The following TNR variants were observed in gnomAD, a reference collection of about 807,000 sequenced individuals.
TNR encodes the protein tenascin R.
TNR carries 45 observed loss-of-function variants against 150.4 expected under a neutral mutation model. The observed-to-expected ratio is 0.30, with a 90% CI of 0.24 to 0.38. The LOEUF is 0.38. TNR is among the 10% of genes least tolerant of loss of function. TNR has a pLI of 1.00. For synonymous variants in TNR, 687 were observed against 678.4 expected, an observed-to-expected ratio of 1.01 and a Z score of -0.20; for missense variants, 1,544 against 1,759.1, an observed-to-expected ratio of 0.88 and a Z score of 2.19.
intron 2 of TNR, among the ~76,000 whole-genome samples, chr1:175,485,512 G>C (rs1571506785): frequency 6.6e-6 from 1 of 152,214 alleles, no homozygotes; most frequent in Admixed American, 6.5e-5. Context: ...CCAATTTCAG[G>C]GTCCTCAAAT....
At chr1:175,350,176 C>T (rs1045358134) in intron 18 of TNR, among the ~76,000 whole-genome samples, 7 of 152,166 alleles carry the variant, frequency 4.6e-5, no homozygotes, top group African/African-American at 1.7e-4. Context: ...TCTTAAAAAG[C>T]CCCACAGAAC....
chr1:175,684,388 A>C (rs1436483138), intron 1 of TNR, among the ~76,000 whole-genome samples: 1 of 152,188 alleles, frequency 6.6e-6, no homozygotes, highest in Non-Finnish European at 1.5e-5. Context: ...GGTTTCATCC[A>C]TCTATCCTAT....
intron 1 of TNR, chr1:175,656,656 T>C (rs1049244746): frequency 4.6e-5 from 7 of 152,446 alleles, no homozygotes; most frequent in Admixed American, 1.3e-4. Flanking sequence ...GTGCCTGTAG[T>C]ATGACAGCTC....
intron 2 of TNR, among the ~76,000 whole-genome samples, chr1:175,510,838 G>A (rs576553831): frequency 6.6e-6 from 1 of 152,272 alleles, no homozygotes; most frequent in Non-Finnish European, 1.5e-5. Flanking sequence ...TCCTAGAACT[G>A]GCAGATTGTT....
intron 2 of TNR, among the ~76,000 whole-genome samples, chr1:175,429,860 G>A (rs1655181561): frequency 6.6e-6 from 1 of 152,002 alleles, no homozygotes; most frequent in African/African-American, 2.4e-5. Context: ...AAGCCCAGAA[G>A]CCCAGGGTTA....
At chr1:175,360,232 T>C (rs937110089) in intron 14 of TNR, among the ~76,000 whole-genome samples, 13 of 152,140 alleles carry the variant, frequency 8.5e-5, no homozygotes, top group African/African-American at 3.1e-4. Flanking sequence ...GGGGCAGGAG[T>C]ATCCCCAGGA....
At chr1:175,470,611 TG>T (rs1657244723) in intron 2 of TNR, among the ~76,000 whole-genome samples, 1 of 152,216 alleles carries the variant, frequency 6.6e-6, no homozygotes, top group African/African-American at 2.4e-5. Flanking sequence ...TCATGGAGAA[TG>T]GGGTATCTAT....
chr1:175,400,293 G>T (rs1653644406), intron 4 of TNR, among the ~76,000 whole-genome samples: 1 of 152,180 alleles, frequency 6.6e-6, no homozygotes, highest in South Asian at 2.1e-4. Flanking sequence ...GAAGATAAAA[G>T]AGTGCTAGAA....
chr1:175,583,968 T>A (rs976015062), intron 1 of TNR, among the ~76,000 whole-genome samples: 1 of 152,072 alleles, frequency 6.6e-6, no homozygotes, highest in African/African-American at 2.4e-5. Flanking sequence ...AGTGTGGGGA[T>A]CTAGTCCAGA....
intron 2 of TNR, among the ~76,000 whole-genome samples, chr1:175,451,443 A>T (rs1463423944): frequency 1.4e-5 from 2 of 144,832 alleles, no homozygotes; most frequent in Admixed American, 1.4e-4. Flanking sequence ...ATTGTAAGGC[A>T]CCTGGTTAGT....
chr1:175,345,411 T>A (rs1317800857), intron 18 of TNR, among the ~76,000 whole-genome samples: 1 of 152,190 alleles, frequency 6.6e-6, no homozygotes, highest in East Asian at 1.9e-4. Context: ...AGATTGATCA[T>A]CTGGTACAGA....
At chr1:175,419,274 T>C (rs1425257670) in intron 2 of TNR, among the ~76,000 whole-genome samples, 2 of 152,200 alleles carry the variant, frequency 1.3e-5, no homozygotes, top group Non-Finnish European at 2.9e-5. Flanking sequence ...TGTAAAATAT[T>C]GGACTTTTAA....
chr1:175,365,973 G>A lies in TNR; in HGVS notation c.2219C>T (p.Thr740Ile). 1.2e-6 allele frequency: 2 copies of A among 1,614,170 alleles called. No homozygotes were observed. The highest frequency in any genetic ancestry group is 1.3e-5 in the African/African-American group (1 of 75,036). Residue 740 changes from threonine to isoleucine, a missense_variant, in exon 11 of 23, where the codon ACA becomes ATA. Coordinates refer to ENST00000367674, the MANE Select transcript of TNR (RefSeq NM_003285.3). ...TGCCCCAGGCTCTAGATCTGTTAGTGTGTATGAGGTCCTGTCCTTGGGTAC... is the reference window on the plus strand; with the variant it reads ...TGCCCCAGGCTCTAGATCTGTTAGTATGTATGAGGTCCTGTCCTTGGGTAC... Reference protein sequence around the residue: ...VTVPKDRTSYTLTDLEPGAEY... With the variant: ...VTVPKDRTSYILTDLEPGAEY...
rs1238019370 is a variant in TNR, at chr1:175,362,656, T to C, written c.2854+7A>G. ...TCTGACTTGACACAGCAGGGAGACA[T>C]TCCCACCTGTGTGCACAAGAGTACA... On this transcript the variant is annotated splice_region_variant and intron_variant, in intron 14 of 22. Transcript: ENST00000367674. 6.2e-7 allele frequency: 1 copy of C among 1,612,708 alleles called. No homozygotes were observed. Among genetic ancestry groups the C allele is most frequent in the African/African-American group, 1.3e-5 (1 of 74,892 alleles).
rs1649119867 is a variant in TNR at position 175,322,639 on chromosome 1, A to G, written c.*718T>C. 6.6e-6 allele frequency: 1 copy of G among 152,284 alleles called. No homozygotes were observed. The highest frequency in any genetic ancestry group is 1.5e-5 in the Non-Finnish European group (1 of 68,130). 9.4% of individuals were successfully genotyped at this position (152,284 alleles called of 1,614,324 possible). On this transcript the variant is annotated 3_prime_UTR_variant, in exon 23 of 23. Transcript: ENST00000367674. ...ACAAAAAATAAAAGAAAAATCAGCC[A>G]GGTATGGTGGCTCATGCCTGTAGTC... is the stretch of plus-strand genomic sequence containing the variant.
chr1:175,714,685 G>A (rs1406304184), intron 1 of TNR, among the ~76,000 whole-genome samples: 1 of 152,188 alleles, frequency 6.6e-6, no homozygotes, highest in East Asian at 1.9e-4. Flanking sequence ...ACTCCTAAGT[G>A]GAAAATCGAT....
At chr1:175,374,279 C>G (rs886555039) in intron 9 of TNR, among the ~76,000 whole-genome samples, 1 of 152,230 alleles carries the variant, frequency 6.6e-6, no homozygotes, top group African/African-American at 2.4e-5. Context: ...CTTCTCACCA[C>G]TAGATCCCCA....
chr1:175,520,544 T>G (rs1208141738), intron 2 of TNR, among the ~76,000 whole-genome samples: 1 of 152,202 alleles, frequency 6.6e-6, no homozygotes, highest in Admixed American at 6.5e-5. Context: ...ATGCTGAGCC[T>G]TCTCAGGTGG....
chr1:175,427,259 A>AGT (rs1655033129), intron 2 of TNR, among the ~76,000 whole-genome samples: 1 of 151,960 alleles, frequency 6.6e-6, no homozygotes, highest in African/African-American at 2.4e-5. Flanking sequence ...CAAGTCAGTG[A>AGT]GTGTGAGCCA....
Sources: gnomAD v4.1 joint callset for allele counts (sites outside exome capture counted in the v4.1 genomes callset) on GRCh38, gnomAD v4.1.1 for gene constraint, MANE v1.5 for transcripts, NCBI Gene and HGNC (gene_info 2026-07-23, HGNC 2026-07-21) for gene names.